Variants in LHX8 observed in about 807,000 individuals in gnomAD.
LHX8 encodes LIM homeobox 8, also known as LIM/homeobox protein Lhx8.
LHX8 carries 12 observed loss-of-function variants against 40.3 expected under a neutral mutation model. The ratio of observed to expected loss-of-function variants is 0.30; its 90% confidence interval spans 0.19 to 0.48. The LOEUF is 0.48. LHX8 is among the 20% of genes least tolerant of loss of function. The pLI is 0.99. For synonymous variants in LHX8, 179 were observed against 162.0 expected, an observed-to-expected ratio of 1.10 and a Z score of -0.80; for missense variants, 344 against 433.7, an observed-to-expected ratio of 0.79 and a Z score of 1.84.
At chr1:75,133,573 TTAAAAA>T (rs1440007625), upstream of LHX8, among the ~76,000 whole-genome samples, 8 of 152,202 alleles carry the variant, frequency 5.3e-5, no homozygotes, top group Admixed American at 5.2e-4. Flanking sequence ...CAAAAATCAT[TTAAAAA>T]TAATCTTTTA....
the LHX8 span, among the ~76,000 whole-genome samples, chr1:75,188,377 A>G: frequency 1.3e-5 from 2 of 152,182 alleles, no homozygotes; most frequent in South Asian, 4.1e-4. Context: ...GATGAAATAT[A>G]CACCTTGTAA....
downstream of LHX8, among the ~76,000 whole-genome samples, chr1:75,164,213 A>AATACCC (rs1353032516): frequency 6.6e-6 from 1 of 152,280 alleles, no homozygotes; most frequent in Admixed American, 6.5e-5. Flanking sequence ...CCTCAGGGGT[A>AATACCC]TTTTGATATG....
chr1:75,163,957 C>T (rs950827641), downstream of LHX8, among the ~76,000 whole-genome samples: 1 of 152,202 alleles, frequency 6.6e-6, no homozygotes, highest in African/African-American at 2.4e-5. Context: ...ACTGGGTCCT[C>T]ACCAGACAGA....
chr1:75,136,761 C>T (rs1478849277), intron 2 of LHX8, 72 bp downstream of exon 2: 117 of 1,283,418 alleles, frequency 9.1e-5, no homozygotes, highest in Non-Finnish European at 1.2e-4. Flanking sequence ...GGGCCGCTGT[C>T]CCCGCGCTCC....
intron 7 of LHX8, among the ~76,000 whole-genome samples, chr1:75,151,568 G>A (rs377308733): frequency 1.2e-4 from 19 of 152,306 alleles, no homozygotes; most frequent in South Asian, 4.1e-4. Flanking sequence ...AGGCACTGGT[G>A]TTCACTCATA....
intron 7 of LHX8, among the ~76,000 whole-genome samples, chr1:75,153,001 C>T (rs1330016767): frequency 6.6e-6 from 1 of 152,038 alleles, no homozygotes; most frequent in Admixed American, 6.5e-5. Flanking sequence ...TCATGTTAAC[C>T]TTTCACGGTT....
chr1:75,133,810 C>A (rs143187420), upstream of LHX8, among the ~76,000 whole-genome samples: 1 of 152,188 alleles, frequency 6.6e-6, no homozygotes, highest in African/African-American at 2.4e-5. Context: ...TAGCAACATA[C>A]TTTTGTCTTT....
At chr1:75,132,963 AC>A (rs1570280948), upstream of LHX8, 1 of 151,734 alleles carries the variant, frequency 6.6e-6, no homozygotes, top group East Asian at 1.9e-4. Flanking sequence ...TTTCTCCACC[AC>A]CCCCAATACC....
At chr1:75,131,352 A>AC (rs1647955456), upstream of LHX8, 3 of 158,960 alleles carry the variant, frequency 1.9e-5, no homozygotes, top group East Asian at 3.6e-4. Flanking sequence ...AAAGGGTTCA[A>AC]TAGTCAAGTT....
At chr1:75,179,502 G>GTTTTTTTTTTTTTTTT in the LHX8 span, among the ~76,000 whole-genome samples, 1 of 108,482 alleles carries the variant, frequency 9.2e-6, no homozygotes, top group African/African-American at 3.4e-5. Flanking sequence ...AACCCCTGTT[G>GTTTTTTTTTTTTTTTT]TTTTTTTTTT....
At chr1:75,129,652 T>C (rs983485841), upstream of LHX8, among the ~76,000 whole-genome samples, 1 of 152,176 alleles carries the variant, frequency 6.6e-6, no homozygotes, top group Admixed American at 6.5e-5. Context: ...GCCTCTCACC[T>C]ATCCCCAGAA....
chr1:75,182,027 T>C, the LHX8 span, among the ~76,000 whole-genome samples: 2 of 152,322 alleles, frequency 1.3e-5, no homozygotes, highest in African/African-American at 4.8e-5. Flanking sequence ...TTTATCTTTG[T>C]TTTTGTTGCA....
chr1:75,174,536 C>T, the LHX8 span, among the ~76,000 whole-genome samples: 1 of 152,208 alleles, frequency 6.6e-6, no homozygotes, highest in Non-Finnish European at 1.5e-5. Context: ...CACACACACA[C>T]ACGCCACAGC....
At chr1:75,179,159 G>A in the LHX8 span, among the ~76,000 whole-genome samples, 1 of 152,194 alleles carries the variant, frequency 6.6e-6, no homozygotes, top group South Asian at 2.1e-4. Context: ...TTGATTTGGG[G>A]TGGAGAGTTC....
chr1:75,177,468 CTT>C, the LHX8 span, among the ~76,000 whole-genome samples: 1 of 152,052 alleles, frequency 6.6e-6, no homozygotes, highest in African/African-American at 2.4e-5. Flanking sequence ...TGAATTGGCT[CTT>C]TGTTTGTCTA....
At chr1:75,135,693 A>T (rs1429275141) in intron 1 of LHX8, among the ~76,000 whole-genome samples, 1 of 152,074 alleles carries the variant, frequency 6.6e-6, no homozygotes, top group East Asian at 1.9e-4. Flanking sequence ...TAAGAACAAA[A>T]CTCCAGCAAA....
intron 1 of LHX8, 77 bp downstream of exon 1, chr1:75,135,031 G>C: frequency 1.5e-6 from 1 of 684,284 alleles, no homozygotes; most frequent in Non-Finnish European, 1.8e-6. Flanking sequence ...CTGGGCGGCT[G>C]TCGGGTGGAA....
intron 8 of LHX8, among the ~76,000 whole-genome samples, chr1:75,157,978 C>G (rs1648815354): frequency 6.6e-6 from 1 of 152,152 alleles, no homozygotes; most frequent in South Asian, 2.1e-4. Flanking sequence ...TTCAGTCATT[C>G]TGACAGATAG....
the LHX8 span, among the ~76,000 whole-genome samples, chr1:75,182,677 A>G: frequency 6.6e-6 from 1 of 152,100 alleles, no homozygotes; most frequent in African/African-American, 2.4e-5. Context: ...TCCGCCTTAC[A>G]TGCCTATTTT....
Sources: gnomAD v4.1 joint callset for allele counts (sites outside exome capture counted in the v4.1 genomes callset) on GRCh38, gnomAD v4.1.1 for gene constraint, MANE v1.5 for transcripts, NCBI Gene and HGNC (gene_info 2026-07-23, HGNC 2026-07-21) for gene names.